SHPRH: variants seen among roughly 807,000 people sequenced by gnomAD.
SHPRH encodes SNF2 histone linker PHD RING helicase, also known as E3 ubiquitin-protein ligase SHPRH.
Under a neutral mutation model 202.5 loss-of-function variants are expected in SHPRH, and 106 were observed. The ratio of observed to expected loss-of-function variants is 0.52; its 90% CI spans 0.45 to 0.62. The LOEUF (loss-of-function observed/expected upper bound fraction) is 0.62. SHPRH is among the 20% of genes least tolerant of loss of function. The pLI is 0.00. For missense variants in SHPRH, 1,710 were observed against 2,020.0 expected (o/e 0.85, Z 2.94); for synonymous variants, 729 against 686.0 (o/e 1.06, Z -0.98).
At chr6:145,922,005 T>A (rs1235714053) in intron 20 of SHPRH, among the ~76,000 whole-genome samples, 1 of 152,036 alleles carries the variant, frequency 6.6e-6, no homozygotes, top group Non-Finnish European at 1.5e-5. Flanking sequence ...ATCTGTATAA[T>A]TCAAATCCAC....
intron 25 of SHPRH, among the ~76,000 whole-genome samples, chr6:145,900,263 C>T (rs1452048596): frequency 6.6e-6 from 1 of 152,092 alleles, no homozygotes; most frequent in African/African-American, 2.4e-5. Flanking sequence ...AAGTGTCCAT[C>T]CATTGATGAA....
intron 25 of SHPRH, 21 bp downstream of exon 25, chr6:145,910,427 T>G (rs199963636): frequency 1.2e-6 from 2 of 1,611,390 alleles, no homozygotes; most frequent in East Asian, 2.2e-5. Context: ...TATGCTTCTA[T>G]GTGTTCCTGA....
intron 25 of SHPRH, among the ~76,000 whole-genome samples, chr6:145,902,761 C>T (rs971294000): frequency 8.5e-5 from 13 of 152,068 alleles, no homozygotes; most frequent in African/African-American, 3.1e-4. Context: ...TGTTATCCAT[C>T]CATGCATTCA....
chr6:145,870,546 G>A (rs1256707072), intron 2 of SHPRH, among the ~76,000 whole-genome samples: 4 of 152,156 alleles, frequency 2.6e-5, no homozygotes, highest in Non-Finnish European at 5.9e-5. Context: ...ACAGGCTTGA[G>A]CCACTGCGCC....
rs555519126 is a variant in SHPRH, at chr6:145,868,925, C to T, written c.222-4434G>A. Among the ~76,000 whole-genome samples, 5 of 152,276 alleles carry T rather than the reference C, an allele frequency of 3.3e-5. No individual in the cohort carries two copies. The South Asian group carries it at 8.3e-4, about 25-fold the overall frequency. ...ATTATTCTTAAATAATAATGCCTCT[C>T]ATATTTATTTCATGAGATATGAGTA... On this transcript the variant is annotated intron_variant, in intron 2 of 2. Coordinates refer to the SHPRH transcript ENST00000417762.
At chr6:145,868,003 G>A (rs113874305) in intron 2 of SHPRH, among the ~76,000 whole-genome samples, 1,529 of 152,226 alleles carry the variant, frequency 0.01, 19 homozygotes, top group African/African-American at 0.035. Flanking sequence ...CACAAACTGG[G>A]TGGCTTAAAC....
chr6:145,952,965 T>C (rs1443886750), intron 2 of SHPRH, among the ~76,000 whole-genome samples: 1 of 152,088 alleles, frequency 6.6e-6, no homozygotes, highest in African/African-American at 2.4e-5. Flanking sequence ...TGAAGCAATG[T>C]GGTATGAAGT....
At chr6:145,907,926 GCCC>G (rs1229138309) in intron 25 of SHPRH, 1 of 151,960 alleles carries the variant, frequency 6.6e-6, no homozygotes, top group Non-Finnish European at 1.5e-5. Context: ...TTACTCCCCT[GCCC>G]CAACAAGCCC....
chr6:145,935,449 G>A lies in SHPRH; in HGVS notation c.2570-8C>T, dbSNP rs1198239441. 1 of 1,611,098 alleles carries A rather than the reference G, an allele frequency of 6.2e-7. No homozygotes were observed. The highest frequency in any genetic ancestry group is 8.5e-7 in the Non-Finnish European group (1 of 1,179,132). ...CCACTAACCCAAAAAGATCTGAAAAGAAAAAATAAAATACATTGAGGATAA... is the reference window on the plus strand; with the variant it reads ...CCACTAACCCAAAAAGATCTGAAAAAAAAAAATAAAATACATTGAGGATAA... On this transcript the variant is annotated splice_polypyrimidine_tract_variant and splice_region_variant and intron_variant, in intron 11 of 29. Coordinates refer to ENST00000275233, the MANE Select transcript of SHPRH (RefSeq NM_001042683.3).
At chr6:145,898,371 GAACT>G (rs1387990441) in intron 25 of SHPRH, among the ~76,000 whole-genome samples, 3 of 152,112 alleles carry the variant, frequency 2.0e-5, no homozygotes, top group Admixed American at 6.6e-5. Flanking sequence ...TTCATGAACT[GAACT>G]AATATTGTTA....
chr6:145,868,027 T>G (rs1215151466), intron 2 of SHPRH, among the ~76,000 whole-genome samples: 1 of 152,178 alleles, frequency 6.6e-6, no homozygotes, highest in Non-Finnish European at 1.5e-5. Context: ...AGAAATTGTT[T>G]TTCTCACAAT....
At chr6:145,930,755 A>G (rs1785353565) in intron 14 of SHPRH, among the ~76,000 whole-genome samples, 1 of 152,210 alleles carries the variant, frequency 6.6e-6, no homozygotes, top group Non-Finnish European at 1.5e-5. Context: ...TGTTTGAACT[A>G]TGTATGCCCT....
intron 25 of SHPRH, chr6:145,903,966 G>C (rs1782727785): frequency 6.6e-6 from 1 of 152,054 alleles, no homozygotes; most frequent in African/African-American, 2.4e-5. Flanking sequence ...ACTGTTGCTA[G>C]GGAAGAAATG....
chr6:145,899,913 C>G (rs192740593), intron 25 of SHPRH, among the ~76,000 whole-genome samples: 42 of 152,066 alleles, frequency 2.8e-4, no homozygotes, highest in Admixed American at 2.4e-3. Flanking sequence ...GCTCAACGAC[C>G]CTAATCATCA....
At chr6:145,957,128 G>A (rs1015800851) in intron 1 of SHPRH, among the ~76,000 whole-genome samples, 8 of 151,988 alleles carry the variant, frequency 5.3e-5, no homozygotes, top group African/African-American at 1.9e-4. Flanking sequence ...GCAGTCAATG[G>A]GAAAGGTATC....
chr6:145,948,409 C>T, intron 4 of SHPRH, 59 bp from the exon 5 acceptor site: 5 of 1,338,506 alleles, frequency 3.7e-6, no homozygotes, highest in Non-Finnish European at 4.2e-6. Flanking sequence ...CAGATAATCA[C>T]ATTAAAAAAA....
chr6:145,928,995 C>T (rs1031097360), intron 14 of SHPRH, among the ~76,000 whole-genome samples: 12 of 151,822 alleles, frequency 7.9e-5, no homozygotes, highest in Non-Finnish European at 1.2e-4. Context: ...AGTATTTATA[C>T]TACCATTTGT....
At chr6:145,933,545 C>T (rs1785698721) in intron 13 of SHPRH, among the ~76,000 whole-genome samples, 1 of 152,034 alleles carries the variant, frequency 6.6e-6, no homozygotes, top group Admixed American at 6.6e-5. Flanking sequence ...TTTTTTTAAT[C>T]AGTAAAAAAT....
intron 19 of SHPRH, 50 bp downstream of exon 19, chr6:145,922,613 A>G: frequency 1.3e-6 from 2 of 1,528,104 alleles, no homozygotes; most frequent in Non-Finnish European, 1.7e-6. Flanking sequence ...TAAGAAATCT[A>G]GCTTAAAGAA....
Sources: allele counts gnomAD v4.1 joint callset (sites outside exome capture counted in the v4.1 genomes callset), GRCh38; gene constraint gnomAD v4.1.1; transcripts MANE v1.5; gene names NCBI Gene and HGNC (gene_info 2026-07-23, HGNC 2026-07-21).